The following MN1 variants were observed in gnomAD, a reference collection of about 807,000 sequenced individuals.
The protein encoded by MN1 is transcriptional activator MN1.
MN1 carries 19 observed loss-of-function variants against 86.9 expected under a neutral mutation model. That is an observed-to-expected ratio of 0.22 (90% CI 0.15 to 0.32). The LOEUF (loss-of-function observed/expected upper bound fraction) is 0.32. Among genes scored for constraint, MN1 ranks in the 10% least tolerant of loss-of-function variants. The pLI is 1.00. For missense variants in MN1, 1,841 were observed against 1,862.0 expected (o/e 0.99, Z 0.21); for synonymous variants, 928 against 849.6 (o/e 1.09, Z -1.60).
chr22:27,795,253 G>C (rs1601342299), intron 1 of MN1, among the ~76,000 whole-genome samples: 1 of 152,226 alleles, frequency 6.6e-6, no homozygotes, highest in Non-Finnish European at 1.5e-5. Context: ...AAGAGAAAAA[G>C]CAGAGAGGCC....
chr22:27,757,552 C>T (rs1043706346), intron 1 of MN1, among the ~76,000 whole-genome samples: 1 of 152,200 alleles, frequency 6.6e-6, no homozygotes, highest in African/African-American at 2.4e-5. Flanking sequence ...CACACAATAG[C>T]GGATGACTCT....
intron 1 of MN1, among the ~76,000 whole-genome samples, chr22:27,753,061 C>T (rs1183070137): frequency 6.6e-6 from 1 of 152,224 alleles, no homozygotes; most frequent in Non-Finnish European, 1.5e-5. Context: ...GCTTGGGGCC[C>T]CCACCCTGGA....
intron 1 of MN1, chr22:27,791,828 T>G (rs534954083): frequency 6.6e-5 from 10 of 152,318 alleles, no homozygotes; most frequent in African/African-American, 2.4e-4. Context: ...GTCATTGTCA[T>G]TCAGGTGGAG....
At chr22:27,776,881 T>C (rs974002317) in intron 1 of MN1, among the ~76,000 whole-genome samples, 3 of 150,394 alleles carry the variant, frequency 2.0e-5, no homozygotes, top group Non-Finnish European at 4.4e-5. Context: ...GTTCCAGAAA[T>C]GAAAGGGAGA....
At chr22:27,795,204 C>T (rs764989328) in intron 1 of MN1, among the ~76,000 whole-genome samples, 61 of 152,196 alleles carry the variant, frequency 4.0e-4, no homozygotes, top group Middle Eastern at 6.8e-3. Context: ...TGAGAGAGTG[C>T]GTCCCGGGCG....
At chr22:27,775,752 G>A (rs1199772403) in intron 1 of MN1, among the ~76,000 whole-genome samples, 1 of 152,208 alleles carries the variant, frequency 6.6e-6, no homozygotes, top group Non-Finnish European at 1.5e-5. Flanking sequence ...CTCTAATGAA[G>A]AGAGGGGAAA....
intron 1 of MN1, among the ~76,000 whole-genome samples, chr22:27,788,161 T>C (rs904035868): frequency 1.1e-4 from 17 of 152,206 alleles, no homozygotes; most frequent in Non-Finnish European, 1.9e-4. Context: ...CTTCAACTCA[T>C]GTTGACGCAT....
At chr22:27,758,982 C>T (rs922220272) in intron 1 of MN1, among the ~76,000 whole-genome samples, 14 of 152,292 alleles carry the variant, frequency 9.2e-5, no homozygotes, top group Admixed American at 3.9e-4. Context: ...TGCGCCACCA[C>T]GCCCGGCTAA....
intron 1 of MN1, among the ~76,000 whole-genome samples, chr22:27,780,688 C>T (rs904475633): frequency 1.3e-5 from 2 of 152,182 alleles, no homozygotes; most frequent in East Asian, 3.8e-4. Flanking sequence ...TTCCTGGTGG[C>T]CCAGACTAGG....
At chr22:27,787,329 G>A (rs1214510930) in intron 1 of MN1, among the ~76,000 whole-genome samples, 1 of 152,178 alleles carries the variant, frequency 6.6e-6, no homozygotes, top group Non-Finnish European at 1.5e-5. Flanking sequence ...ACATTGCAGG[G>A]GATGAAAATG....
In MN1 at chr22:27,797,417, C is replaced by G; in HGVS notation, c.3127G>C (p.Glu1043Gln). The G allele has an allele frequency of 6.2e-7, 1 of 1,611,360 alleles. No homozygotes were observed. Among genetic ancestry groups the G allele is most frequent in the Non-Finnish European group, 8.5e-7 (1 of 1,179,364 alleles). Residue 1043 changes from glutamate (E) to glutamine (Q), a missense_variant, in exon 1 of 2, where the codon GAG (glutamate) becomes CAG (glutamine). Glu to Gln is a conservative substitution (Grantham distance 29). Transcript: ENST00000302326. ...KSDSSSPNVG[E>Q]FASDEVSTSY... ...GTGCTCACCTCGTCCGAGGCGAACT[C>G]ACCCACGTTTGGCGAACTACTGTCC... is the stretch of plus-strand genomic sequence containing the variant.
At chr22:27,779,359 A>G (rs1282003690) in intron 1 of MN1, among the ~76,000 whole-genome samples, 6 of 152,156 alleles carry the variant, frequency 3.9e-5, no homozygotes, top group East Asian at 1.9e-4. Context: ...CCTTGCCCCA[A>G]TCACATCCCG....
At chr22:27,751,178 G>T in intron 1 of MN1, 82 bp from the exon 2 acceptor site, 3 of 1,275,038 alleles carry the variant, frequency 2.4e-6, no homozygotes, top group African/African-American at 1.5e-5. Context: ...AGTGGCAGAG[G>T]CATACAAGAC....
chr22:27,798,394 G>A lies in MN1; in HGVS notation c.2150C>T (p.Ala717Val), dbSNP rs1933348803. ...GGLGQLQSPGAGVGLPSAASE... is the reference protein window; with the variant it reads ...GGLGQLQSPGVGVGLPSAASE... ...AGCAGCGCTGGGGAGCCCCACGCCC[G>A]CCCCGGGCGACTGCAGCTGACCCAG... The change falls in exon 1 of 2, where the codon GCG becomes GTG. Residue 717 changes from alanine (A) to valine (V), a missense_variant. Physicochemically the swap from Ala to Val is moderately conservative, Grantham distance 64. Transcript: ENST00000302326. 2.0e-6 allele frequency: 3 copies of A among 1,510,566 alleles called. No homozygotes were observed. Among genetic ancestry groups the A allele is most frequent in the East Asian group, 2.5e-5 (1 of 39,394 alleles). The allele number at this position is 1,510,566 out of a possible 1,614,324, so 93.6% of individuals were successfully genotyped here.
chr22:27,800,887 T>C lies in MN1; in HGVS notation c.-344A>G. 3.3e-6 allele frequency: 1 copy of C among 303,714 alleles called. No homozygotes were observed. Among genetic ancestry groups the C allele is most frequent in the Non-Finnish European group, 6.2e-6 (1 of 161,608 alleles). The allele number at this position is 303,714 out of a possible 1,614,324, so 18.8% of individuals were successfully genotyped here. A position where few individuals can be genotyped will look rare whatever the true frequency, so the allele number is the denominator to read the frequency against. On this transcript the variant is annotated 5_prime_UTR_variant, in exon 1 of 2. Transcript: ENST00000302326. Reference sequence around the variant, plus strand: ...CCGCGGATGAACGGAGACAAAAAGTTAAGTGGGGGGAATGGGGAGGGAAGG... The same window carrying C: ...CCGCGGATGAACGGAGACAAAAAGTCAAGTGGGGGGAATGGGGAGGGAAGG...
intron 1 of MN1, among the ~76,000 whole-genome samples, chr22:27,794,352 C>T (rs1185882985): frequency 1.3e-5 from 2 of 152,192 alleles, no homozygotes; most frequent in Non-Finnish European, 2.9e-5. Flanking sequence ...ACAGAAGCTT[C>T]GAGTGACCTC....
intron 1 of MN1, among the ~76,000 whole-genome samples, chr22:27,762,218 C>T (rs113902675): frequency 7.6e-4 from 116 of 152,340 alleles, no homozygotes; most frequent in Admixed American, 2.4e-3. Context: ...GAGGGCCAGT[C>T]GCTTAGCCTG....
chr22:27,785,166 C>T, intron 1 of MN1, among the ~76,000 whole-genome samples: 1 of 151,962 alleles, frequency 6.6e-6, no homozygotes, highest in East Asian at 1.9e-4. Context: ...TATTTTTAAA[C>T]GCTAAAGCAA....
intron 1 of MN1, among the ~76,000 whole-genome samples, chr22:27,776,630 AGTG>A (rs774547722): frequency 8.0e-5 from 12 of 150,022 alleles, no homozygotes; most frequent in South Asian, 6.3e-4. Flanking sequence ...CTTGAAATTC[AGTG>A]GTTCTGGCCT....
Sources: gnomAD v4.1 joint callset for allele counts (sites outside exome capture counted in the v4.1 genomes callset) on GRCh38, gnomAD v4.1.1 for gene constraint, MANE v1.5 for transcripts, NCBI Gene and HGNC (gene_info 2026-07-23, HGNC 2026-07-21) for gene names.